Variants in BDP1 observed in about 807,000 individuals in gnomAD.
The protein encoded by BDP1 is transcription factor TFIIIB component B'' homolog.
BDP1 carries 169 observed loss-of-function variants against 266.6 expected under a neutral mutation model. That is an observed-to-expected ratio of 0.63 (90% CI 0.56 to 0.72). The LOEUF (loss-of-function observed/expected upper bound fraction) is 0.72, where lower values mean the gene tolerates loss of function less well. BDP1 is among the 30% of genes least tolerant of loss of function. BDP1 has a pLI of 0.00. For synonymous variants in BDP1, 1,090 were observed against 1,022.4 expected (o/e 1.07, Z -1.26); for missense variants, 3,015 against 3,053.8 (o/e 0.99, Z 0.30).
chr5:71,545,020 A>G lies in BDP1; in HGVS notation c.6564-19A>G, dbSNP rs748845621. The G allele has an allele frequency of 6.2e-6, 10 of 1,611,340 alleles. No homozygotes were observed. The highest frequency in any genetic ancestry group is 8.5e-6 in the Non-Finnish European group (10 of 1,179,196). On this transcript the variant is annotated intron_variant, in intron 31 of 38. Coordinates refer to ENST00000358731, the MANE Select transcript of BDP1 (RefSeq NM_018429.3). The stretch of plus-strand genomic sequence containing the variant: ...ATTTGCCTGATTTCAAATGACATGC[A>G]TGCTAAACTCTCTTTCAGAAACGAA...
In BDP1 at chr5:71,463,997, A is replaced by G. The variant is rs555929138; in HGVS notation, c.600-61A>G. Reference sequence around the variant, plus strand: ...AGAATAATTTTCTTCTTGCCTACAGATAGAATTGGGAAGATATAAATTAAT... The same window carrying G: ...AGAATAATTTTCTTCTTGCCTACAGGTAGAATTGGGAAGATATAAATTAAT... On this transcript the variant is annotated intron_variant, in intron 3 of 38. Transcript: ENST00000358731. The G allele has an allele frequency of 9.2e-5, 91 of 984,116 alleles. No homozygotes were observed. In the South Asian group the frequency reaches 1.4e-3, roughly 16 times the overall value. 61.0% of individuals were successfully genotyped at this position (984,116 alleles called of 1,614,324 possible).
chr5:71,464,083 A>T lies in BDP1; in HGVS notation c.625A>T (p.Thr209Ser), dbSNP rs112184313. ...MTSSLEQEKK[T>S]EKPSTPVQTR... ...TTCTTCACTGGAACAAGAAAAGAAAACTGAAAAGCCATCGACTCCAGTCCA... is the reference window on the plus strand; with the variant it reads ...TTCTTCACTGGAACAAGAAAAGAAATCTGAAAAGCCATCGACTCCAGTCCA... Residue 209 changes from threonine to serine, a missense_variant, in exon 4 of 39, where the codon ACT (threonine) becomes TCT (serine). This residue lies in a region of BDP1 where 2,383 missense variants were observed against 2,404.9 expected (regional missense o/e 0.99). Coordinates refer to ENST00000358731, the MANE Select transcript of BDP1 (RefSeq NM_018429.3). 71 of 1,579,664 alleles carry T rather than the reference A, an allele frequency of 4.5e-5. No homozygotes were observed. In the African/African-American group the frequency reaches 6.1e-4, roughly 14 times the overall value.
At chr5:71,542,435 T>C (rs1265019035) in intron 30 of BDP1, among the ~76,000 whole-genome samples, 170 bp downstream of exon 30, 2 of 152,196 alleles carry the variant, frequency 1.3e-5, no homozygotes, top group Non-Finnish European at 2.9e-5. Context: ...ACCAATTGGT[T>C]TTAGTAATTA....
chr5:71,502,070 TAGTC>T (rs989039582), intron 14 of BDP1, among the ~76,000 whole-genome samples: 4 of 152,164 alleles, frequency 2.6e-5, no homozygotes, highest in African/African-American at 9.7e-5. Context: ...ATAGTATCCT[TAGTC>T]AGGAGTAGTA....
intron 6 of BDP1, 111 bp downstream of exon 6, chr5:71,467,598 T>TG: frequency 1.1e-6 from 1 of 885,090 alleles, no homozygotes. Context: ...TACCATTTTA[T>TG]TCCAGCTAAT....
intron 25 of BDP1, among the ~76,000 whole-genome samples, chr5:71,528,357 C>A (rs1167498322): frequency 6.6e-6 from 1 of 152,170 alleles, no homozygotes; most frequent in Non-Finnish European, 1.5e-5. Context: ...GTCTGCCATT[C>A]CAACTTTGTA....
chr5:71,535,775 C>A (rs1414567464), intron 26 of BDP1, among the ~76,000 whole-genome samples: 1 of 152,142 alleles, frequency 6.6e-6, no homozygotes, highest in East Asian at 1.9e-4. Context: ...CAGCAGCATA[C>A]TTCCACCCTC....
In BDP1 at chr5:71,566,214, A is replaced by T. The variant is rs1744023647; in HGVS notation, c.*1329A>T. On this transcript the variant is annotated 3_prime_UTR_variant, in exon 39 of 39. Coordinates refer to ENST00000358731, the MANE Select transcript of BDP1 (RefSeq NM_018429.3). ...TTTATGAGACAAAATTTCCATACAA[A>T]GCTCAATCTCCTTTATACACCCACA... 1 of 153,152 alleles carries T rather than the reference A, an allele frequency of 6.5e-6. No individual in the cohort carries two copies. 9.5% of individuals were successfully genotyped at this position (153,152 alleles called of 1,614,324 possible).
intron 3 of BDP1, among the ~76,000 whole-genome samples, chr5:71,462,511 T>C (rs918705761): frequency 1.3e-5 from 2 of 152,126 alleles, no homozygotes; most frequent in African/African-American, 4.8e-5. Flanking sequence ...CCCAGCACTT[T>C]AGGAGACCAA....
Position 71,560,031 on chromosome 5 carries a change from G to A in BDP1, c.7290G>A (p.Leu2430=), listed in dbSNP as rs1743520454. ...TTTTTCTTACCTCAGGAAGCACACT[G>A]ACAACTCCAGAACCTCAAAGACAGC... ...QDIFLTSGST[L]TTPEPQRQQV... is the part of the protein sequence containing the mutation. The change falls in exon 37 of 39, where the codon CTG becomes CTA. Residue 2430 remains leucine, a synonymous_variant. Coordinates refer to ENST00000358731, the MANE Select transcript of BDP1 (RefSeq NM_018429.3). The A allele has an allele frequency of 6.2e-7, 1 of 1,613,880 alleles. No homozygotes were observed.
In BDP1 at chr5:71,486,489, A is replaced by C; in HGVS notation, c.1075A>C (p.Lys359Gln). ...TTTTCCTTTTCTTTAAACAGAGGAA[A>C]AGCGCCCTTTTGACTTCGATTTTTT... ...GWRIDKAFQE[K>Q]RPFDFDFFAH... is the part of the protein sequence containing the mutation. The change falls in exon 9 of 39, where the codon AAG becomes CAG. Residue 359 changes from lysine (K) to glutamine (Q), a missense_variant. By Grantham distance (53) the Lys-to-Gln change is moderately conservative (BLOSUM62 1). Transcript: ENST00000358731. The C allele has an allele frequency of 6.5e-7, 1 of 1,540,144 alleles. No homozygotes were observed.
At chr5:71,531,945 T>G (rs1766273190) in intron 25 of BDP1, among the ~76,000 whole-genome samples, 1 of 152,216 alleles carries the variant, frequency 6.6e-6, no homozygotes, top group African/African-American at 2.4e-5. Context: ...TTATTTGACT[T>G]TATATCCCTG....
chr5:71,527,847 T>C (rs1171996705), intron 25 of BDP1, among the ~76,000 whole-genome samples: 1 of 150,618 alleles, frequency 6.6e-6, no homozygotes, highest in Non-Finnish European at 1.5e-5. Context: ...AGATGGAGTC[T>C]CTGTTGCCTA....
chr5:71,524,015 G>A lies in BDP1; in HGVS notation c.5464G>A (p.Glu1822Lys). Residue 1822 changes from glutamate to lysine, a missense_variant, in exon 25 of 39, where the codon GAG becomes AAG. Physicochemically the swap from Glu to Lys is moderately conservative, Grantham distance 56. Coordinates refer to ENST00000358731, the MANE Select transcript of BDP1 (RefSeq NM_018429.3). ...DGKTTISSTS[E>K]YERNRGERRS... ...GAAAACAACTATCTCTTCTACATCT[G>A]AGTATGAGAGAAATCGTGGTGAAAG... 1.2e-6 allele frequency: 2 copies of A among 1,614,164 alleles called. No homozygotes were observed. Among genetic ancestry groups the A allele is most frequent in the Non-Finnish European group, 1.7e-6 (2 of 1,180,022 alleles).
At chr5:71,471,548 C>T (rs1449560576) in intron 7 of BDP1, among the ~76,000 whole-genome samples, 1 of 152,212 alleles carries the variant, frequency 6.6e-6, no homozygotes, top group African/African-American at 2.4e-5. Flanking sequence ...CCGTTGCTTT[C>T]CTAGGCCCCC....
rs766915023 is a variant in BDP1 at position 71,501,646 on chromosome 5, G to A, written c.2041G>A (p.Val681Ile). 5 of 1,214,302 alleles carry A rather than the reference G, an allele frequency of 4.1e-6. No individual in the cohort carries two copies. The African/African-American group carries it at 6.4e-5, about 16-fold the overall frequency. 75.2% of individuals were successfully genotyped at this position (1,214,302 alleles called of 1,614,324 possible). ...GAGAGAGAATCCAGAAGCTGAAACT[G>A]TATCTGTGTGAGTATTCAGGAAGTA... ...TERENPEAETVSVLGEKNCLQ... is the reference protein window; with the variant it reads ...TERENPEAETISVLGEKNCLQ... The change falls in exon 14 of 39, where the codon GTA (valine) becomes ATA (isoleucine). Residue 681 changes from valine (V) to isoleucine (I), a missense_variant. Val to Ile is a conservative substitution (Grantham distance 29). Transcript: ENST00000358731.
intron 25 of BDP1, among the ~76,000 whole-genome samples, chr5:71,526,412 T>C (rs1481784903): frequency 6.6e-6 from 1 of 150,614 alleles, no homozygotes; most frequent in Non-Finnish European, 1.5e-5. Flanking sequence ...AGGTCAGGAG[T>C]TTGAGACTAG....
intron 35 of BDP1, among the ~76,000 whole-genome samples, chr5:71,553,918 T>C (rs1345969180): frequency 6.6e-6 from 1 of 152,214 alleles, no homozygotes; most frequent in Non-Finnish European, 1.5e-5. Flanking sequence ...TTGAAAAACA[T>C]ACAGACTTCT....
chr5:71,495,131 A>G (rs1763805248), intron 11 of BDP1, 119 bp from the exon 12 acceptor site: 1 of 545,098 alleles, frequency 1.8e-6, no homozygotes, highest in Non-Finnish European at 3.0e-6. Flanking sequence ...GTATTACTCT[A>G]TAATGTGAAG....
Sources: gnomAD v4.1 joint callset for allele counts (sites outside exome capture counted in the v4.1 genomes callset) on GRCh38, gnomAD v4.1.1 for gene constraint, gnomAD v4.1.1 regional missense constraint, MANE v1.5 for transcripts, NCBI Gene and HGNC (gene_info 2026-07-23, HGNC 2026-07-21) for gene names.